Variants in TENM2 observed in about 807,000 individuals in gnomAD.
TENM2 encodes teneurin transmembrane protein 2, also known as teneurin-2.
In TENM2, 52 loss-of-function variants were observed where a neutral mutation model predicts 245.2. The ratio of observed to expected loss-of-function variants is 0.21; its 90% CI spans 0.17 to 0.27. The LOEUF (loss-of-function observed/expected upper bound fraction) is 0.27, where lower values mean the gene tolerates loss of function less well. Among genes scored for constraint, TENM2 ranks in the 10% least tolerant of loss-of-function variants. The pLI is 1.00. For missense variants in TENM2, 3,046 were observed against 3,666.8 expected, an observed-to-expected ratio of 0.83 and a Z score of 4.37; for synonymous variants, 1,363 against 1,438.9, an observed-to-expected ratio of 0.95 and a Z score of 1.19.
rs1769289769 is a variant in TENM2 at position 167,502,729 on chromosome 5, TGG to T, written c.502+127258_502+127259del. Among the ~76,000 whole-genome samples, 3 of 152,326 alleles carry T rather than the reference TGG, an allele frequency of 2.0e-5. No homozygotes were observed. The South Asian group carries it at 6.2e-4, about 32-fold the overall frequency. On this transcript the variant is annotated intron_variant, in intron 2 of 28. Coordinates refer to ENST00000518659, the Ensembl canonical transcript of TENM2. ...TTAGTCAAAATCACTGCAGCCCCTT[TGG>T]GATCTACTGTTTTTACAAAGTGTGG...
chr5:167,243,595 A>G, the TENM2 span, among the ~76,000 whole-genome samples: 2 of 152,126 alleles, frequency 1.3e-5, no homozygotes, highest in African/African-American at 2.4e-5. Flanking sequence ...CTGCATTGCT[A>G]GTTTCACTTA....
At chr5:168,070,823 A>G (rs7735927) in intron 7 of TENM2, among the ~76,000 whole-genome samples, 4,666 of 141,628 alleles carry the variant, frequency 0.033, 213 homozygotes, top group African/African-American at 0.11. Context: ...GAGAGAGAAA[A>G]AAAGAAAGAA....
chr5:167,265,593 A>G, the TENM2 span, among the ~76,000 whole-genome samples: 1,109 of 152,192 alleles, frequency 7.3e-3, 13 homozygotes, highest in African/African-American at 0.026. Context: ...CGAGTGCAGG[A>G]TCATAACCAT....
At chr5:167,807,972 A>T (rs1454241709) in intron 2 of TENM2, among the ~76,000 whole-genome samples, 2 of 152,166 alleles carry the variant, frequency 1.3e-5, no homozygotes, top group African/African-American at 4.8e-5. Flanking sequence ...CTGAAACAAC[A>T]GCAAACACTA....
Position 168,226,168 on chromosome 5 carries a change from C to A in TENM2, c.5189C>A (p.Ser1730Tyr), listed in dbSNP as rs371242311. 4.3e-6 allele frequency: 7 copies of A among 1,613,594 alleles called. No homozygotes were observed. In the African/African-American group the frequency reaches 8.0e-5, roughly 18 times the overall value. ...AGTCTGCACCGGGAAATGGAGAAAT[C>A]TATTACCATTGACATTGAGAACTCC... The change falls in exon 24 of 29, where the codon TCT becomes TAT. Residue 1730 changes from serine (S) to tyrosine (Y), a missense_variant. Physicochemically the swap from Ser to Tyr is moderately radical, Grantham distance 144. Around this residue, in one of 2 missense-constraint regions of TENM2, gnomAD observed 2,704 missense variants for 3,331.9 expected, o/e 0.81. Transcript: ENST00000518659.
At chr5:167,299,486 G>T (rs1755176236) in intron 1 of TENM2, among the ~76,000 whole-genome samples, 1 of 152,116 alleles carries the variant, frequency 6.6e-6, no homozygotes, top group Admixed American at 6.5e-5. Context: ...GTGTAGGGAA[G>T]GGAGGGGGCC....
At chr5:167,092,117 CCT>C in the TENM2 span, among the ~76,000 whole-genome samples, 1 of 151,984 alleles carries the variant, frequency 6.6e-6, no homozygotes, top group African/African-American at 2.4e-5. Context: ...TGTCCTGCCC[CCT>C]GTTTTTGTGT....
the TENM2 span, among the ~76,000 whole-genome samples, chr5:167,253,807 T>C: frequency 1.3e-5 from 2 of 152,100 alleles, no homozygotes; most frequent in Non-Finnish European, 2.9e-5. Context: ...TGTCCTTGAA[T>C]CAATGCCCCA....
rs538249503 is a variant in TENM2 at position 168,081,643 on chromosome 5, C to G, written c.1516-8931C>G. On this transcript the variant is annotated intron_variant, in intron 7 of 28. Transcript: ENST00000518659. ...CAGGCCTGGTGGTGACAAAATCTCT[C>G]AGCATTTGCTTGTCTGTAAAGGATT... Among the ~76,000 whole-genome samples, 30 of 152,304 alleles carry G rather than the reference C, an allele frequency of 2.0e-4. No individual in the cohort carries two copies. The South Asian group carries it at 3.5e-3, about 18-fold the overall frequency.
At chr5:167,195,436 G>A in the TENM2 span, among the ~76,000 whole-genome samples, 1 of 151,878 alleles carries the variant, frequency 6.6e-6, no homozygotes, top group South Asian at 2.1e-4. Flanking sequence ...ATTTTTTTCT[G>A]CAAAGGCTCA....
chr5:167,920,122 A>G (rs919371028), intron 3 of TENM2, among the ~76,000 whole-genome samples: 2 of 152,134 alleles, frequency 1.3e-5, no homozygotes, highest in African/African-American at 4.8e-5. Flanking sequence ...CAAAACTGCT[A>G]CGTTTCAGAA....
At chr5:167,167,105 G>T in the TENM2 span, among the ~76,000 whole-genome samples, 1 of 152,124 alleles carries the variant, frequency 6.6e-6, no homozygotes, top group South Asian at 2.1e-4. Flanking sequence ...CATCTAGGGA[G>T]GTAGAATGAC....
chr5:167,557,213 G>A lies in TENM2; in HGVS notation c.502+181740G>A, dbSNP rs563269040. Among the ~76,000 whole-genome samples, 3 of 152,070 alleles carry A rather than the reference G, an allele frequency of 2.0e-5. No individual in the cohort carries two copies. The East Asian group carries it at 5.8e-4, about 29-fold the overall frequency. ...GCTTCTTTGTGAGTTTTTAAAATGT[G>A]GAATATAATTTTAATATAAAAATCT... On this transcript the variant is annotated intron_variant, in intron 2 of 28. Coordinates refer to ENST00000518659, the Ensembl canonical transcript of TENM2.
chr5:167,835,360 T>G (rs1311200071), intron 2 of TENM2, among the ~76,000 whole-genome samples: 1 of 152,206 alleles, frequency 6.6e-6, no homozygotes, highest in Non-Finnish European at 1.5e-5. Flanking sequence ...ATTTCCTGAT[T>G]GGGCAAGAAA....
chr5:167,008,794 G>A, the TENM2 span, among the ~76,000 whole-genome samples: 55 of 152,274 alleles, frequency 3.6e-4, no homozygotes, highest in Non-Finnish European at 7.2e-4. Context: ...TAGGTTTGCA[G>A]CGTATCGACG....
intron 2 of TENM2, among the ~76,000 whole-genome samples, chr5:167,472,523 G>C (rs547477036): frequency 6.6e-6 from 1 of 152,086 alleles, no homozygotes; most frequent in African/African-American, 2.4e-5. Flanking sequence ...TGGCTGGTTT[G>C]CTTGGCTGAG....
At chr5:167,359,218 C>T (rs1042167603) in intron 1 of TENM2, among the ~76,000 whole-genome samples, 1 of 152,078 alleles carries the variant, frequency 6.6e-6, no homozygotes, top group Admixed American at 6.5e-5. Context: ...TTAAAATCAC[C>T]TCCAAAGCCA....
At chr5:168,234,148 T>G (rs1765202761) in intron 25 of TENM2, among the ~76,000 whole-genome samples, 1 of 151,772 alleles carries the variant, frequency 6.6e-6, no homozygotes, top group Admixed American at 6.6e-5. Flanking sequence ...CTCTTCACAT[T>G]GCGGGGGTGG....
chr5:167,452,931 TTATATATATATATA>T (rs1554157697), intron 2 of TENM2, among the ~76,000 whole-genome samples: 2 of 4,872 alleles, frequency 4.1e-4, no homozygotes, highest in Non-Finnish European at 7.0e-4. Flanking sequence ...AAAGTATGAT[TTATATATATATATA>T]TATATATATA....
Sources: allele counts gnomAD v4.1 joint callset (sites outside exome capture counted in the v4.1 genomes callset), GRCh38; gene constraint gnomAD v4.1.1; regional missense constraint gnomAD v4.1.1; transcripts MANE v1.5; gene names NCBI Gene and HGNC (gene_info 2026-07-23, HGNC 2026-07-21).